Variants in RGL1 observed in about 807,000 individuals in gnomAD.
The protein encoded by RGL1 is ral guanine nucleotide dissociation stimulator like 1.
In RGL1, 24 loss-of-function variants were observed where a neutral mutation model predicts 95.2. The observed-to-expected ratio is 0.25, with a 90% CI of 0.18 to 0.35. RGL1 has a LOEUF of 0.35. Ranked by LOEUF, RGL1 falls within the 10% of genes least tolerant of loss-of-function variation. The probability of loss-of-function intolerance (pLI) is 1.00; values close to 1 mark genes in which losing one functional copy is unlikely to be tolerated. For missense variants in RGL1, 715 were observed against 936.3 expected, an observed-to-expected ratio of 0.76 and a Z score of 3.08; for synonymous variants, 329 against 344.9, an observed-to-expected ratio of 0.95 and a Z score of 0.51.
chr1:183,920,227 G>T (rs1406874527), intron 16 of RGL1, among the ~76,000 whole-genome samples: 4 of 151,970 alleles, frequency 2.6e-5, no homozygotes, highest in African/African-American at 9.7e-5. Context: ...ATTAGAGACG[G>T]GGTTTCACCA....
chr1:183,852,402 G>A lies in RGL1; in HGVS notation c.347+4628G>A, dbSNP rs143929348. 2.5e-3 allele frequency among the ~76,000 whole-genome samples: 381 copies of A among 152,274 alleles called. 4 individuals are homozygous for A. Among genetic ancestry groups the A allele is most frequent in the African/African-American group, 8.9e-3 (370 of 41,550 alleles). ...CCTGTTTCCTGTGCTTCTCAACATG[G>A]CTCAGAGTCCACATTGGCCTACTTT... On this transcript the variant is annotated intron_variant, in intron 3 of 17. Transcript: ENST00000360851.
intron 7 of RGL1, among the ~76,000 whole-genome samples, chr1:183,887,665 GC>G (rs1667197139): frequency 6.6e-6 from 1 of 152,116 alleles, no homozygotes; most frequent in South Asian, 2.1e-4. Flanking sequence ...TGCTGTCCCT[GC>G]TATTCAGTCA....
intron 3 of RGL1, among the ~76,000 whole-genome samples, chr1:183,861,767 C>T (rs9425321): frequency 0.34 from 52,011 of 152,048 alleles, 9,263 homozygotes; most frequent in East Asian, 0.49. Flanking sequence ...AAATTGGACA[C>T]GACATCGTTG....
intron 15 of RGL1, among the ~76,000 whole-genome samples, chr1:183,913,846 T>C (rs113050029): frequency 1.7e-3 from 256 of 152,298 alleles, no homozygotes; most frequent in African/African-American, 6.1e-3. Flanking sequence ...GATGACTAAT[T>C]TGCTGCTCTA....
At chr1:183,756,989 C>T (rs754938650) in intron 2 of RGL1, among the ~76,000 whole-genome samples, 1 of 150,100 alleles carries the variant, frequency 6.7e-6, no homozygotes, top group Non-Finnish European at 1.5e-5. Context: ...TTTGACTCAC[C>T]ATTGGATAAC....
At chr1:183,889,030 C>G (rs1667271757) in intron 8 of RGL1, among the ~76,000 whole-genome samples, 1 of 152,156 alleles carries the variant, frequency 6.6e-6, no homozygotes, top group Non-Finnish European at 1.5e-5. Context: ...ATTTTAAAAA[C>G]TATCTTATTG....
intron 4 of RGL1, among the ~76,000 whole-genome samples, chr1:183,880,256 G>A (rs1023756813): frequency 6.6e-6 from 1 of 152,098 alleles, no homozygotes; most frequent in African/African-American, 2.4e-5. Context: ...TTTAATTTGA[G>A]CATAATCTTA....
intron 2 of RGL1, among the ~76,000 whole-genome samples, chr1:183,820,974 A>C (rs1027709246): frequency 6.6e-6 from 1 of 152,002 alleles, no homozygotes; most frequent in Admixed American, 6.6e-5. Flanking sequence ...CTCTACTAAA[A>C]CTACAAAAAT....
intron 1 of RGL1, among the ~76,000 whole-genome samples, chr1:183,638,903 T>G (rs1235553467): frequency 6.6e-6 from 1 of 152,228 alleles, no homozygotes; most frequent in South Asian, 2.1e-4. Flanking sequence ...ATAATAGGTC[T>G]TTCTTTTCAG....
intron 2 of RGL1, among the ~76,000 whole-genome samples, chr1:183,798,272 A>G (rs758151838): frequency 2.0e-5 from 3 of 152,120 alleles, no homozygotes; most frequent in Non-Finnish European, 4.4e-5. Context: ...CAGTTTGAGG[A>G]TGACAAAGCC....
intron 1 of RGL1, among the ~76,000 whole-genome samples, chr1:183,735,120 G>A (rs546792323): frequency 5.9e-5 from 9 of 152,174 alleles, no homozygotes; most frequent in Middle Eastern, 3.4e-3. Context: ...GTAAGGGGGA[G>A]AAAGTATGTG....
intron 1 of RGL1, among the ~76,000 whole-genome samples, chr1:183,639,059 C>A (rs1244419188): frequency 2.0e-5 from 3 of 152,142 alleles, no homozygotes; most frequent in Non-Finnish European, 4.4e-5. Flanking sequence ...ACGGGCAGAT[C>A]ACTTGAGGTG....
At chr1:183,903,350 C>T (rs10911462) in intron 12 of RGL1, among the ~76,000 whole-genome samples, 83,155 of 151,884 alleles carry the variant, frequency 0.55, 23,122 homozygotes, top group Non-Finnish European at 0.59. Context: ...TTTCACTCTT[C>T]CTGTGGATAG....
In RGL1 at chr1:183,904,930, C is replaced by T; in HGVS notation, c.1431C>T (p.Ile477=). The T allele has an allele frequency of 6.2e-7, 1 of 1,613,792 alleles. No homozygotes were observed. The highest frequency in any genetic ancestry group is 2.2e-5 in the East Asian group (1 of 44,868). ...SYCMTPDQKF[I]QWFQRQQLLT... is the part of the protein sequence containing the mutation. ...GCATGACCCCAGACCAAAAGTTCAT[C>T]CAGTGGTTCCAGAGGCAGCAGCTCC... The change falls in exon 13 of 18, where the codon ATC becomes ATT. Residue 477 remains isoleucine (I), a synonymous_variant. Coordinates refer to ENST00000360851, the MANE Select transcript of RGL1 (RefSeq NM_001297671.3).
intron 2 of RGL1, among the ~76,000 whole-genome samples, chr1:183,814,344 C>T (rs1347722814): frequency 6.6e-6 from 1 of 152,098 alleles, no homozygotes; most frequent in Non-Finnish European, 1.5e-5. Context: ...AAACCACCTT[C>T]TCCTTTATGT....
intron 1 of RGL1, among the ~76,000 whole-genome samples, chr1:183,720,130 A>G (rs1182264646): frequency 6.6e-6 from 1 of 152,244 alleles, no homozygotes; most frequent in Non-Finnish European, 1.5e-5. Flanking sequence ...GTAAGGATTC[A>G]TTAAGATACA....
chr1:183,862,115 G>T (rs754254715), intron 3 of RGL1, among the ~76,000 whole-genome samples: 17 of 152,134 alleles, frequency 1.1e-4, no homozygotes, highest in Admixed American at 2.0e-4. Context: ...GCTAAGACGG[G>T]AGGATCACTT....
At position 183,866,104 on chromosome 1, in the gene RGL1, T is replaced by G. The variant is rs747782467; in HGVS notation, c.425+31T>G. ...TCTCCCTTTTCTTTGCATTCTAAGC[T>G]CTCAGTCAAGACAATATCTTAAAGT... On this transcript the variant is annotated intron_variant, in intron 4 of 17. Transcript: ENST00000360851. The G allele has an allele frequency of 8.5e-6, 13 of 1,520,968 alleles. No homozygotes were observed. In the South Asian group the frequency reaches 1.3e-4, roughly 16 times the overall value. 94.2% of individuals were successfully genotyped at this position (1,520,968 alleles called of 1,614,324 possible).
chr1:183,842,023 T>C (rs190471423), intron 2 of RGL1, among the ~76,000 whole-genome samples: 168 of 152,256 alleles, frequency 1.1e-3, no homozygotes, highest in African/African-American at 4.0e-3. Flanking sequence ...TCAGCCTGTA[T>C]TGTGGTGGTT....
Sources: allele counts gnomAD v4.1 joint callset (sites outside exome capture counted in the v4.1 genomes callset), GRCh38; gene constraint gnomAD v4.1.1; transcripts MANE v1.5; gene names NCBI Gene and HGNC (gene_info 2026-07-23, HGNC 2026-07-21).